The following TRABD variants were observed in gnomAD, a reference collection of about 807,000 sequenced individuals.
The protein encoded by TRABD is traB domain-containing protein.
TRABD carries 23 observed loss-of-function variants against 39.6 expected under a neutral mutation model. That is an observed-to-expected ratio of 0.58 (90% CI 0.42 to 0.82). The LOEUF (loss-of-function observed/expected upper bound fraction) is 0.82, where lower values mean the gene tolerates loss of function less well. Among genes scored for constraint, TRABD ranks in the 40% least tolerant of loss-of-function variants. The pLI, the probability that TRABD is intolerant of heterozygous loss-of-function variation, is 0.00. For missense variants in TRABD, 487 were observed against 544.9 expected (o/e 0.89, Z 1.06); for synonymous variants, 243 against 232.1 (o/e 1.05, Z -0.43).
At chr22:50,186,114 C>T (rs568483100) in intron 1 of TRABD, 138 bp downstream of exon 1, 2 of 20,816 alleles carry the variant, frequency 9.6e-5, no homozygotes, top group East Asian at 1.4e-3. Context: ...GGGCCGGGGG[C>T]GGGGGGGGTC....
chr22:50,197,193 AC>A, intron 5 of TRABD, 47 bp from the exon 6 acceptor site: 1 of 1,560,178 alleles, frequency 6.4e-7, no homozygotes, highest in Non-Finnish European at 8.8e-7. Flanking sequence ...CCCCCAGCGC[AC>A]CCCCGCACCC....
At position 50,197,950 on chromosome 22, in the gene TRABD, C is replaced by T. The variant is rs1387946603; in HGVS notation, c.799C>T (p.Leu267=). The stretch of plus-strand genomic sequence containing the variant: ...GCGCGACGTCTACCTAACCTACATG[C>T]TGCGCCAGGCCGCGCGGCGCCTCGA... ...SERDVYLTYM[L]RQAARRLELP... is the part of the protein sequence containing the mutation. Residue 267 remains leucine (L), a synonymous_variant, in exon 8 of 10, where the codon CTG becomes TTG. Transcript: ENST00000380909. 2.2e-5 allele frequency: 35 copies of T among 1,612,712 alleles called. No homozygotes were observed. Among genetic ancestry groups the T allele is most frequent in the Non-Finnish European group, 3.0e-5 (35 of 1,179,902 alleles).
At position 50,196,468 on chromosome 22, in the gene TRABD, C is replaced by A. The variant is rs535187774; in HGVS notation, c.421-773C>A. On this transcript the variant is annotated intron_variant, in intron 5 of 9. Coordinates refer to ENST00000380909, the MANE Select transcript of TRABD (RefSeq NM_001320485.2). Reference sequence around the variant, plus strand: ...CCTTCTGTGGGCATCATCTCCTTCACACGTGGACACCCCCGTGGTGCCAGC... The same window carrying A: ...CCTTCTGTGGGCATCATCTCCTTCAAACGTGGACACCCCCGTGGTGCCAGC... Among the ~76,000 whole-genome samples, 15 of 152,374 alleles carry A rather than the reference C, an allele frequency of 9.8e-5. No homozygotes were observed. In the South Asian group the frequency reaches 3.1e-3, roughly 32 times the overall value.
intron 6 of TRABD, 28 bp from the exon 7 acceptor site, chr22:50,197,421 G>A (rs865905012): frequency 6.2e-7 from 1 of 1,612,812 alleles, no homozygotes; most frequent in African/African-American, 1.3e-5. Context: ...GGTTCCCACT[G>A]CTCCCCAACA....
chr22:50,196,978 G>A (rs137919095), intron 5 of TRABD: 10,246 of 470,010 alleles, frequency 0.022, 151 homozygotes, highest in Middle Eastern at 0.032. Context: ...GATGACAGGC[G>A]TGCGCCACTG....
At position 50,198,334 on chromosome 22, in the gene TRABD, C is replaced by A; in HGVS notation, c.957-11C>A. ...CCCCCAGCCAGGCCCAGCGCCCCCTCCCTCCCACAGCGTGCCCCCGCCGTC... is the reference window on the plus strand; with the variant it reads ...CCCCCAGCCAGGCCCAGCGCCCCCTACCTCCCACAGCGTGCCCCCGCCGTC... On this transcript the variant is annotated splice_polypyrimidine_tract_variant and intron_variant, in intron 9 of 9. Coordinates refer to ENST00000380909, the MANE Select transcript of TRABD (RefSeq NM_001320485.2). This position sits in a 1 kb window ranked among gnomAD's most constrained non-coding sequence, Gnocchi z 7.9. 1 of 1,557,810 alleles carries A rather than the reference C, an allele frequency of 6.4e-7. No individual in the cohort carries two copies. The highest frequency in any genetic ancestry group is 8.7e-7 in the Non-Finnish European group (1 of 1,154,314).
At chr22:50,189,941 G>A (rs1183307126) in intron 1 of TRABD, among the ~76,000 whole-genome samples, 1 of 152,262 alleles carries the variant, frequency 6.6e-6, no homozygotes, top group Admixed American at 6.5e-5. Flanking sequence ...TTGGGCCAGG[G>A]CCTTTTGCTC....
Position 50,194,512 on chromosome 22 carries a change from C to T in TRABD, c.279+6C>T, listed in dbSNP as rs779708222. The stretch of plus-strand genomic sequence containing the variant: ...GCAAGAGGGACGTTGTGAAGGTGAG[C>T]GCCGCCACCCGCCACATCCCGGACA... On this transcript the variant is annotated splice_donor_region_variant and intron_variant, in intron 4 of 9. Coordinates refer to ENST00000380909, the MANE Select transcript of TRABD (RefSeq NM_001320485.2). 9 of 1,550,322 alleles carry T rather than the reference C, an allele frequency of 5.8e-6. No homozygotes were observed. The highest frequency in any genetic ancestry group is 3.6e-5 in the South Asian group (3 of 84,182).
chr22:50,196,040 A>G (rs1325860385), intron 5 of TRABD, among the ~76,000 whole-genome samples: 1 of 152,168 alleles, frequency 6.6e-6, no homozygotes, highest in African/African-American at 2.4e-5. Flanking sequence ...TCGAAGGGGC[A>G]TAGAATTCGG....
intron 7 of TRABD, 55 bp from the exon 8 acceptor site, chr22:50,197,768 C>A: frequency 7.6e-7 from 1 of 1,320,230 alleles, no homozygotes; most frequent in Non-Finnish European, 1.1e-6. Flanking sequence ...GTGCCAGCCC[C>A]ACCCCCCCAG....
At chr22:50,186,179 ATCAGGT>A (rs2063751836) in intron 1 of TRABD, among the ~76,000 whole-genome samples, 1 of 61,476 alleles carries the variant, frequency 1.6e-5, no homozygotes, top group African/African-American at 6.4e-5. Flanking sequence ...TCAGGCCCGG[ATCAGGT>A]TCAGGTTTTG....
intron 1 of TRABD, among the ~76,000 whole-genome samples, chr22:50,188,590 A>G (rs2063817256): frequency 6.6e-6 from 1 of 152,224 alleles, no homozygotes; most frequent in Non-Finnish European, 1.5e-5. Flanking sequence ...TTCCAGGAGT[A>G]CTAACCCCGT....
intron 3 of TRABD, 145 bp from the exon 4 acceptor site, chr22:50,194,195 G>A (rs1007887227): frequency 1.9e-6 from 2 of 1,031,764 alleles, no homozygotes; most frequent in African/African-American, 3.2e-5. Flanking sequence ...AAAGCCTGTG[G>A]AGTGTGACGC....
chr22:50,191,283 C>T (rs942039118), intron 1 of TRABD, among the ~76,000 whole-genome samples: 1 of 152,146 alleles, frequency 6.6e-6, no homozygotes, highest in Non-Finnish European at 1.5e-5. Flanking sequence ...TCAGAGCCGT[C>T]CCTGCTCCCC....
intron 7 of TRABD, 60 bp from the exon 8 acceptor site, chr22:50,197,763 A>AGCCCCCCCCCCCCCCCCCCCGGG: frequency 6.9e-7 from 1 of 1,439,784 alleles, no homozygotes. Flanking sequence ...CCACAGTGCC[A>AGCCCCCCCCCCCCCCCCCCCGGG]GCCCCACCCC....
In TRABD at chr22:50,198,313, C is replaced by A; in HGVS notation, c.957-32C>A. Reference sequence around the variant, plus strand: ...GGCTGGGGTATGGGGAGCCCACCCCCAGCCAGGCCCAGCGCCCCCTCCCTC... The same window carrying A: ...GGCTGGGGTATGGGGAGCCCACCCCAAGCCAGGCCCAGCGCCCCCTCCCTC... On this transcript the variant is annotated intron_variant, in intron 9 of 9. Coordinates refer to ENST00000380909, the MANE Select transcript of TRABD (RefSeq NM_001320485.2). This position sits in a 1 kb window ranked among gnomAD's most constrained non-coding sequence, Gnocchi z 7.9. 6.5e-6 allele frequency: 10 copies of A among 1,530,768 alleles called. No individual in the cohort carries two copies. The highest frequency in any genetic ancestry group is 7.9e-6 in the Non-Finnish European group (9 of 1,134,744). The allele number at this position is 1,530,768 out of a possible 1,614,324, so 94.8% of individuals were successfully genotyped here.
At position 50,198,855 on chromosome 22, in the gene TRABD, G is replaced by T; in HGVS notation, c.*336G>T. ...GCCCTCTCAGCCCTGGTGGCAGGCG[G>T]GGGACAATGGCCACTGTCCCTACCT... On this transcript the variant is annotated 3_prime_UTR_variant, in exon 10 of 10. Coordinates refer to ENST00000380909, the MANE Select transcript of TRABD (RefSeq NM_001320485.2). This position sits in a 1 kb window ranked among gnomAD's most constrained non-coding sequence, Gnocchi z 7.9. 1.9e-6 allele frequency: 1 copy of T among 539,574 alleles called. No individual in the cohort carries two copies. Among genetic ancestry groups the T allele is most frequent in the Admixed American group, 3.4e-5 (1 of 29,072 alleles). 33.4% of individuals were successfully genotyped at this position (539,574 alleles called of 1,614,324 possible). A position where few individuals can be genotyped will look rare whatever the true frequency, so the allele number is the denominator to read the frequency against.
chr22:50,198,614 C>T lies in TRABD; in HGVS notation c.*95C>T. 1.5e-6 allele frequency: 2 copies of T among 1,312,150 alleles called. No homozygotes were observed. Among genetic ancestry groups the T allele is most frequent in the African/African-American group, 1.5e-5 (1 of 66,116 alleles). 81.3% of individuals were successfully genotyped at this position (1,312,150 alleles called of 1,614,324 possible). On this transcript the variant is annotated 3_prime_UTR_variant, in exon 10 of 10. Transcript: ENST00000380909. The surrounding 1 kb of genome is among the most constrained non-coding windows in gnomAD (Gnocchi z 7.9). ...CATCCTAGCCCGCCCGAGGCCCCTG[C>T]CACCCCCCATGGGGGTCTGGGCCCG...
chr22:50,194,584 A>G, intron 4 of TRABD, 78 bp downstream of exon 4: 1 of 1,539,804 alleles, frequency 6.5e-7, no homozygotes, highest in Non-Finnish European at 8.8e-7. Context: ...ACCTCCCGGC[A>G]GGGCCCGTGT....
Sources: gnomAD v4.1 joint callset for allele counts (sites outside exome capture counted in the v4.1 genomes callset) on GRCh38, gnomAD v4.1.1 for gene constraint, Gnocchi (gnomAD v3.1) non-coding constraint, MANE v1.5 for transcripts, NCBI Gene and HGNC (gene_info 2026-07-23, HGNC 2026-07-21) for gene names.